The following ARHGEF3 variants were observed in gnomAD, a reference collection of about 807,000 sequenced individuals.
ARHGEF3 encodes the protein 59.8 kDA protein.
ARHGEF3 carries 28 observed loss-of-function variants against 63.2 expected under a neutral mutation model. The ratio of observed to expected loss-of-function variants is 0.44; its 90% CI spans 0.33 to 0.61. The LOEUF (loss-of-function observed/expected upper bound fraction) is 0.61. Among genes scored for constraint, ARHGEF3 ranks in the 20% least tolerant of loss-of-function variants. The pLI, the probability that ARHGEF3 is intolerant of heterozygous loss-of-function variation, is 0.03. For missense variants in ARHGEF3, 533 were observed against 659.3 expected (o/e 0.81, Z 2.10); for synonymous variants, 266 against 254.2 (o/e 1.05, Z -0.44).
At chr3:56,858,553 GAA>G (rs1459341847) in intron 4 of ARHGEF3, among the ~76,000 whole-genome samples, 29 of 152,264 alleles carry the variant, frequency 1.9e-4, no homozygotes, top group African/African-American at 6.7e-4. Context: ...GTGAGGGGAG[GAA>G]GACAGTCAAC....
intron 2 of ARHGEF3, among the ~76,000 whole-genome samples, chr3:56,992,020 C>T (rs1701765915): frequency 1.4e-5 from 1 of 70,154 alleles, no homozygotes; most frequent in Admixed American, 1.4e-4. Flanking sequence ...CTCCCCTCCT[C>T]TCTCTGTGTG....
chr3:56,956,599 T>C (rs1700054267), intron 3 of ARHGEF3, among the ~76,000 whole-genome samples: 1 of 152,188 alleles, frequency 6.6e-6, no homozygotes, highest in Admixed American at 6.5e-5. Context: ...GGGTAATCAA[T>C]TGTCCCAGTT....
chr3:56,745,560 G>A, intron 6 of ARHGEF3, 98 bp from the exon 7 acceptor site: 1 of 1,368,474 alleles, frequency 7.3e-7, no homozygotes, highest in Non-Finnish European at 9.9e-7. Context: ...ACACCTAACT[G>A]GTCTCTGGGT....
intron 3 of ARHGEF3, among the ~76,000 whole-genome samples, chr3:56,947,598 C>A (rs993463793): frequency 2.1e-4 from 32 of 152,228 alleles, no homozygotes; most frequent in African/African-American, 7.7e-4. Flanking sequence ...TATATATGCA[C>A]CCAATACAGG....
At chr3:56,814,287 T>C (rs2038181519) in intron 4 of ARHGEF3, among the ~76,000 whole-genome samples, 1 of 152,212 alleles carries the variant, frequency 6.6e-6, no homozygotes, top group Non-Finnish European at 1.5e-5. Flanking sequence ...TAAAACGTTA[T>C]GAGACTTTTT....
At chr3:56,791,917 A>G (rs1342120820) in intron 1 of ARHGEF3, among the ~76,000 whole-genome samples, 1 of 152,116 alleles carries the variant, frequency 6.6e-6, no homozygotes, top group African/African-American at 2.4e-5. Flanking sequence ...CAGCTAATGC[A>G]AGGCTCAAAG....
chr3:56,968,261 A>AAAATATATATAATATATAT, intron 2 of ARHGEF3, among the ~76,000 whole-genome samples: 1 of 36,760 alleles, frequency 2.7e-5, no homozygotes, highest in African/African-American at 8.1e-5. Context: ...TATAATATTT[A>AAAATATATATAATATATAT]AATATATAAT....
chr3:57,016,906 A>T (rs1431442292), intron 2 of ARHGEF3, among the ~76,000 whole-genome samples: 1 of 152,038 alleles, frequency 6.6e-6, no homozygotes, highest in Non-Finnish European at 1.5e-5. Flanking sequence ...GGGAACCAAG[A>T]AGACAAGGAA....
chr3:56,819,932 C>T (rs548128361), intron 4 of ARHGEF3, among the ~76,000 whole-genome samples: 11 of 152,116 alleles, frequency 7.2e-5, no homozygotes, highest in African/African-American at 2.4e-4. Context: ...ATCTCAGCTT[C>T]CCAAGTAGCT....
intron 4 of ARHGEF3, among the ~76,000 whole-genome samples, chr3:56,843,793 C>T (rs1246758797): frequency 2.6e-5 from 4 of 151,984 alleles, no homozygotes; most frequent in Non-Finnish European, 5.9e-5. Flanking sequence ...AAGAAGATTC[C>T]CTTTACTTTC....
At chr3:56,731,655 T>A (rs1448395480) in intron 9 of ARHGEF3, 2 of 154,078 alleles carry the variant, frequency 1.3e-5, no homozygotes, top group Admixed American at 6.3e-5. Flanking sequence ...TTCTCCTCCA[T>A]CACAATGCAA....
intron 1 of ARHGEF3, among the ~76,000 whole-genome samples, chr3:57,053,814 G>A (rs577116037): frequency 6.6e-6 from 1 of 152,282 alleles, no homozygotes; most frequent in South Asian, 2.1e-4. Context: ...AGTTTTATCC[G>A]CGTTGTGGCA....
chr3:56,854,317 T>C (rs992741168), intron 4 of ARHGEF3, among the ~76,000 whole-genome samples: 8 of 152,156 alleles, frequency 5.3e-5, no homozygotes, highest in African/African-American at 1.9e-4. Context: ...CAGATCTGTT[T>C]AGCTGGCATA....
chr3:56,935,039 T>C (rs1190023313), intron 3 of ARHGEF3, among the ~76,000 whole-genome samples: 2 of 152,214 alleles, frequency 1.3e-5, no homozygotes, highest in Admixed American at 6.5e-5. Flanking sequence ...ATCGACACTC[T>C]GTATCTAGCT....
At chr3:56,969,970 T>C (rs549194547) in intron 2 of ARHGEF3, among the ~76,000 whole-genome samples, 4 of 152,278 alleles carry the variant, frequency 2.6e-5, no homozygotes, top group African/African-American at 9.6e-5. Context: ...ATTCCATTTA[T>C]GTGAAATGTC....
chr3:56,904,363 G>A (rs146560490), intron 3 of ARHGEF3, among the ~76,000 whole-genome samples: 3 of 152,152 alleles, frequency 2.0e-5, no homozygotes, highest in East Asian at 3.9e-4. Context: ...ATGGAGTCTC[G>A]CTATGTTGAC....
At chr3:56,958,064 G>A (rs1159440029) in intron 3 of ARHGEF3, among the ~76,000 whole-genome samples, 2 of 152,120 alleles carry the variant, frequency 1.3e-5, no homozygotes, top group Non-Finnish European at 2.9e-5. Flanking sequence ...CCTAAAATCT[G>A]TTTAAAGCTT....
intron 3 of ARHGEF3, among the ~76,000 whole-genome samples, chr3:56,907,443 A>G (rs2041722907): frequency 6.6e-6 from 1 of 152,242 alleles, no homozygotes; most frequent in Non-Finnish European, 1.5e-5. Context: ...CAGTGTGGCC[A>G]TTCCTGAAAG....
At chr3:57,048,485 G>A (rs1000189592) in intron 1 of ARHGEF3, among the ~76,000 whole-genome samples, 5 of 152,168 alleles carry the variant, frequency 3.3e-5, no homozygotes, top group Non-Finnish European at 5.9e-5. Context: ...GAGATCGGGT[G>A]AAGGAGGACC....
Sources: gnomAD v4.1 joint callset for allele counts (sites outside exome capture counted in the v4.1 genomes callset) on GRCh38, gnomAD v4.1.1 for gene constraint, MANE v1.5 for transcripts, NCBI Gene and HGNC (gene_info 2026-07-23, HGNC 2026-07-21) for gene names.